The following EPHA6 variants were observed in gnomAD, a reference collection of about 807,000 sequenced individuals.
The protein encoded by EPHA6 is ephrin type-A receptor 6.
Under a neutral mutation model 112.0 loss-of-function variants are expected in EPHA6, and 50 were observed. The ratio of observed to expected loss-of-function variants is 0.45; its 90% CI spans 0.36 to 0.56. EPHA6 has a LOEUF of 0.56. EPHA6 is among the 20% of genes least tolerant of loss of function. EPHA6 has a pLI of 0.00. For missense variants in EPHA6, 1,280 were observed against 1,417.4 expected (o/e 0.90, Z 1.56); for synonymous variants, 529 against 490.7 (o/e 1.08, Z -1.03).
intron 12 of EPHA6, among the ~76,000 whole-genome samples, chr3:97,594,125 G>A (rs1348931642): frequency 1.3e-5 from 2 of 152,198 alleles, no homozygotes; most frequent in African/African-American, 4.8e-5. Flanking sequence ...AGAGTTTAAT[G>A]GCCTCACCCT....
chr3:97,231,105 T>C (rs1442067836), intron 4 of EPHA6, among the ~76,000 whole-genome samples: 3 of 152,174 alleles, frequency 2.0e-5, no homozygotes, highest in Non-Finnish European at 2.9e-5. Context: ...TGGTCTCCTA[T>C]AGCCATATTT....
chr3:96,938,261 C>G (rs549225966), intron 2 of EPHA6, among the ~76,000 whole-genome samples: 9 of 152,228 alleles, frequency 5.9e-5, no homozygotes, highest in Admixed American at 2.0e-4. Flanking sequence ...TTTTCCATTT[C>G]TTTGTATCCT....
intron 1 of EPHA6, among the ~76,000 whole-genome samples, chr3:96,848,231 T>TA (rs2035188578): frequency 6.6e-6 from 1 of 152,022 alleles, no homozygotes; most frequent in African/African-American, 2.4e-5. Context: ...CTAGACTAAG[T>TA]TTTCAGTTAT....
rs142033813 is a variant in EPHA6 at position 97,287,847 on chromosome 3, A to T, written c.1606+43560A>T. Among the ~76,000 whole-genome samples, 855 of 152,232 alleles carry T rather than the reference A, an allele frequency of 5.6e-3. 10 individuals carry two copies. Among genetic ancestry groups the T allele is most frequent in the African/African-American group, 0.018 (766 of 41,542 alleles). ...TGAGGATTTTGCATCTATGTTCATC[A>T]GGAATATTGGTCTGTAGTTTTATTT... On this transcript the variant is annotated intron_variant, in intron 5 of 17. Coordinates refer to ENST00000389672, the MANE Select transcript of EPHA6 (RefSeq NM_001080448.3).
chr3:97,574,380 A>C (rs1265738922), intron 11 of EPHA6, among the ~76,000 whole-genome samples: 1 of 152,188 alleles, frequency 6.6e-6, no homozygotes, highest in Non-Finnish European at 1.5e-5. Flanking sequence ...GTAACACTTA[A>C]GCAGAGTCTT....
chr3:97,435,936 C>A (rs1397065629), intron 6 of EPHA6, among the ~76,000 whole-genome samples: 1 of 152,168 alleles, frequency 6.6e-6, no homozygotes, highest in Non-Finnish European at 1.5e-5. Flanking sequence ...TAATTTTAAA[C>A]ACCTTATTAG....
intron 7 of EPHA6, among the ~76,000 whole-genome samples, chr3:97,473,109 C>T (rs1474440789): frequency 6.6e-6 from 1 of 151,666 alleles, no homozygotes; most frequent in African/African-American, 2.4e-5. Flanking sequence ...TTTTTATAAT[C>T]ATCCCAGCCT....
intron 14 of EPHA6, among the ~76,000 whole-genome samples, chr3:97,639,336 A>G (rs28758477): frequency 0.016 from 2,358 of 152,082 alleles, 72 homozygotes; most frequent in African/African-American, 0.054. Context: ...AATTATTTTC[A>G]TTTTTCTCAA....
At chr3:96,820,489 A>G (rs1220652693) in intron 1 of EPHA6, among the ~76,000 whole-genome samples, 3 of 152,078 alleles carry the variant, frequency 2.0e-5, no homozygotes, top group African/African-American at 7.2e-5. Flanking sequence ...TTTTGTAAAT[A>G]GAATTTATGG....
rs2032622839 is a variant in EPHA6, at chr3:96,814,799, A to C, written c.176A>C (p.Glu59Ala). 1 of 1,601,020 alleles carries C rather than the reference A, an allele frequency of 6.2e-7. No individual in the cohort carries two copies. The highest frequency in any genetic ancestry group is 8.5e-7 in the Non-Finnish European group (1 of 1,173,000). ...GCGGGCCGGGTGGAGGAGGAAGAGG[A>C]GGAGGAGGAAGAAGACGTGGACAAG... Reference protein sequence around the residue: ...PPAGRVEEEEEEEEEDVDKDP... With the variant: ...PPAGRVEEEEAEEEEDVDKDP... Residue 59 changes from glutamate (E) to alanine (A), a missense_variant, in exon 1 of 18, where the codon GAG becomes GCG. Around this residue, in one of 4 missense-constraint regions of EPHA6, gnomAD observed 220 missense variants for 171.5 expected, o/e 1.28. Transcript: ENST00000389672.
At chr3:97,388,496 G>A (rs2086201957) in intron 5 of EPHA6, among the ~76,000 whole-genome samples, 1 of 152,040 alleles carries the variant, frequency 6.6e-6, no homozygotes, top group South Asian at 2.1e-4. Flanking sequence ...GGAAAGAGGA[G>A]AGGATAACAA....
chr3:97,512,106 G>A (rs1577626756), intron 10 of EPHA6, among the ~76,000 whole-genome samples: 1 of 151,940 alleles, frequency 6.6e-6, no homozygotes, highest in South Asian at 2.1e-4. Context: ...AAAATAATAA[G>A]GTTTACATTA....
intron 12 of EPHA6, among the ~76,000 whole-genome samples, chr3:97,597,688 C>G (rs2093606157): frequency 1.3e-5 from 2 of 152,196 alleles, no homozygotes; most frequent in Non-Finnish European, 2.9e-5. Flanking sequence ...TCAATATTTT[C>G]CTTTCCACAT....
chr3:97,169,485 C>A (rs1344274688), intron 3 of EPHA6, among the ~76,000 whole-genome samples: 1 of 152,032 alleles, frequency 6.6e-6, no homozygotes. Context: ...CTTCCTCTCC[C>A]TATCTAGTTA....
intron 2 of EPHA6, among the ~76,000 whole-genome samples, chr3:96,875,890 T>G (rs2036914295): frequency 6.6e-6 from 1 of 151,714 alleles, no homozygotes; most frequent in African/African-American, 2.4e-5. Flanking sequence ...AACCTTTAAC[T>G]TCAGTCTTTA....
intron 14 of EPHA6, among the ~76,000 whole-genome samples, chr3:97,700,442 G>A (rs906607958): frequency 6.6e-6 from 1 of 152,198 alleles, no homozygotes; most frequent in Non-Finnish European, 1.5e-5. Flanking sequence ...TGCTGGACCT[G>A]GCTGGGTAGA....
intron 5 of EPHA6, among the ~76,000 whole-genome samples, chr3:97,355,666 T>C (rs1230078640): frequency 6.6e-6 from 1 of 151,860 alleles, no homozygotes; most frequent in Non-Finnish European, 1.5e-5. Flanking sequence ...GTGGTAGGAG[T>C]AAGTCCTTAC....
At position 97,244,105 on chromosome 3, in the gene EPHA6, A is replaced by G. The variant is rs774582004; in HGVS notation, c.1424A>G (p.Asp475Gly). 1.2e-6 allele frequency: 2 copies of G among 1,613,026 alleles called. No individual in the cohort carries two copies. The highest frequency in any genetic ancestry group is 3.3e-5 in the Admixed American group (2 of 59,826). ...KCGLDTSQCE[D>G]CGGGLRFIPR... Reference sequence around the variant, plus strand: ...GGCTTAGACACCAGCCAGTGTGAGGACTGTGGTGGAGGACTCCGCTTCATC... The same window carrying G: ...GGCTTAGACACCAGCCAGTGTGAGGGCTGTGGTGGAGGACTCCGCTTCATC... Residue 475 changes from aspartate to glycine, a missense_variant, in exon 5 of 18, where the codon GAC becomes GGC. Coordinates refer to ENST00000389672, the MANE Select transcript of EPHA6 (RefSeq NM_001080448.3).
At chr3:97,433,911 C>T (rs1246783869) in intron 6 of EPHA6, among the ~76,000 whole-genome samples, 1 of 152,088 alleles carries the variant, frequency 6.6e-6, no homozygotes, top group Non-Finnish European at 1.5e-5. Context: ...ACCCCCATGG[C>T]TTGGTGCTTT....
Sources: gnomAD v4.1 joint callset for allele counts (sites outside exome capture counted in the v4.1 genomes callset) on GRCh38, gnomAD v4.1.1 for gene constraint, gnomAD v4.1.1 regional missense constraint, MANE v1.5 for transcripts, NCBI Gene and HGNC (gene_info 2026-07-23, HGNC 2026-07-21) for gene names.